Variants in RPL34 observed in about 807,000 individuals in gnomAD.
RPL34 encodes the protein large ribosomal subunit protein eL34.
A neutral mutation model predicts 16.3 loss-of-function variants in RPL34; 2 were observed. The ratio of observed to expected loss-of-function variants is 0.12; its 90% CI spans 0.05 to 0.39. The LOEUF is 0.39. Ranked by LOEUF, RPL34 falls within the 10% of genes least tolerant of loss-of-function variation. RPL34 has a pLI of 0.99. For missense variants in RPL34, 82 were observed against 148.8 expected, an observed-to-expected ratio of 0.55 and a Z score of 2.33; for synonymous variants, 47 against 48.5, an observed-to-expected ratio of 0.97 and a Z score of 0.13.
chr4:108,622,174 A>G lies in RPL34; in HGVS notation c.135A>G (p.Ala45=), dbSNP rs1234171099. ...AGGTTGGGAAAGCACCAAAATCTGC[A>G]TGTGGTGTGTGCCCAGGCAGACTTC... is the stretch of plus-strand genomic sequence containing the variant. ...TKKVGKAPKS[A]CGVCPGRLRG... Residue 45 remains alanine (A), a synonymous_variant, in exon 3 of 5, where the codon GCA becomes GCG. Transcript: ENST00000394667. 6.2e-7 allele frequency: 1 copy of G among 1,612,648 alleles called. No individual in the cohort carries two copies. The highest frequency in any genetic ancestry group is 1.1e-5 in the South Asian group (1 of 91,080).
chr4:108,620,604 T>C lies in RPL34; in HGVS notation c.-10+4T>C. On this transcript the variant is annotated splice_donor_region_variant and intron_variant, in intron 1 of 4. Coordinates refer to ENST00000394667, the MANE Select transcript of RPL34 (RefSeq NM_001319236.2). ...CTTCCGGGGACGTTGTCTGCAGGTA[T>C]GGATGTTGTTCTCTTTTCCCTGTCT... 3.2e-6 allele frequency: 1 copy of C among 308,096 alleles called. No individual in the cohort carries two copies. Among genetic ancestry groups the C allele is most frequent in the Non-Finnish European group, 6.6e-6 (1 of 152,600 alleles). 19.1% of individuals were successfully genotyped at this position (308,096 alleles called of 1,614,324 possible).
chr4:108,628,771 T>G (rs1271689044), downstream of RPL34, among the ~76,000 whole-genome samples: 3 of 152,248 alleles, frequency 2.0e-5, no homozygotes, highest in African/African-American at 7.2e-5. Flanking sequence ...GTAGACTATT[T>G]GGAAAGTTTG....
Position 108,622,565 on chromosome 4 carries a change from A to G in RPL34, c.216A>G (p.Lys72=), listed in dbSNP as rs1331617788. ...KVLMRLSKTK[K]HVSRAYGGSM... ...TTATGAGATTGTCCAAAACAAAGAA[A>G]CATGTCAGCAGGGCCTATGGTGGTT... is the stretch of plus-strand genomic sequence containing the variant. The change falls in exon 4 of 5, where the codon AAA becomes AAG. Residue 72 remains lysine, a synonymous_variant. Coordinates refer to ENST00000394667, the MANE Select transcript of RPL34 (RefSeq NM_001319236.2). The G allele has an allele frequency of 2.5e-6, 4 of 1,610,616 alleles. No homozygotes were observed. The highest frequency in any genetic ancestry group is 2.7e-5 in the African/African-American group (2 of 74,620).
At chr4:108,626,495 C>T (rs551961009), downstream of RPL34, among the ~76,000 whole-genome samples, 1 of 139,596 alleles carries the variant, frequency 7.2e-6, no homozygotes, top group Non-Finnish European at 1.5e-5. Context: ...CTTGCCCAGG[C>T]TGGAGCGTAC....
At chr4:108,624,067 TC>T (rs3836721) in intron 4 of RPL34, among the ~76,000 whole-genome samples, 79,885 of 151,980 alleles carry the variant, frequency 0.53, 21,012 homozygotes, top group East Asian at 0.6. Context: ...TGGCTTTTTT[TC>T]CCCCAGTCTT....
At chr4:108,625,513 G>C (rs1281422014), downstream of RPL34, 1 of 242,192 alleles carries the variant, frequency 4.1e-6, no homozygotes. Flanking sequence ...AGCCTCCCAA[G>C]TAGCTGGGAT....
intron 4 of RPL34, among the ~76,000 whole-genome samples, chr4:108,623,669 G>A (rs1725877042): frequency 6.6e-6 from 1 of 152,144 alleles, no homozygotes; most frequent in Non-Finnish European, 1.5e-5. Flanking sequence ...ACCTCCCAAA[G>A]TGCTGGGAAT....
At chr4:108,626,282 C>T (rs1235367296), downstream of RPL34, among the ~76,000 whole-genome samples, 4 of 151,380 alleles carry the variant, frequency 2.6e-5, no homozygotes, top group African/African-American at 9.7e-5. Context: ...TACAGGTAGG[C>T]ACCACCATGC....
At chr4:108,626,488 G>A (rs1049365301), downstream of RPL34, among the ~76,000 whole-genome samples, 1 of 116,634 alleles carries the variant, frequency 8.6e-6, no homozygotes, top group Non-Finnish European at 1.6e-5. Context: ...CCTTGCTCTT[G>A]CCCAGGCTGG....
downstream of RPL34, among the ~76,000 whole-genome samples, chr4:108,627,559 A>T (rs1726056426): frequency 6.6e-6 from 1 of 151,768 alleles, no homozygotes; most frequent in African/African-American, 2.4e-5. Flanking sequence ...TGGCAGTTGA[A>T]CTCCCTTTTA....
chr4:108,624,420 A>T (rs1725911215), intron 4 of RPL34, among the ~76,000 whole-genome samples: 1 of 152,190 alleles, frequency 6.6e-6, no homozygotes, highest in African/African-American at 2.4e-5. Flanking sequence ...GGAGTGCTTT[A>T]AACTCTGGTG....
chr4:108,623,695 C>A (rs995741390), intron 4 of RPL34, among the ~76,000 whole-genome samples: 3 of 152,146 alleles, frequency 2.0e-5, no homozygotes, highest in African/African-American at 2.4e-5. Context: ...TATAAGCCAC[C>A]GCACCCAGTC....
At chr4:108,625,015 C>T (rs773725632) in intron 4 of RPL34, 113 bp from the exon 5 acceptor site, 13 of 682,522 alleles carry the variant, frequency 1.9e-5, no homozygotes, top group Non-Finnish European at 3.1e-5. Context: ...CCTGTAGTTT[C>T]CTGGGTTCCC....
chr4:108,626,719 G>A (rs1243363837), downstream of RPL34, among the ~76,000 whole-genome samples: 1 of 152,070 alleles, frequency 6.6e-6, no homozygotes, highest in African/African-American at 2.4e-5. Flanking sequence ...GATTACAGGC[G>A]TGAGCCCTTG....
rs778167959 is a variant in RPL34, at chr4:108,622,183, G to C, written c.144G>C (p.Val48=). 6.2e-7 allele frequency: 1 copy of C among 1,611,418 alleles called. No individual in the cohort carries two copies. Among genetic ancestry groups the C allele is most frequent in the South Asian group, 1.1e-5 (1 of 91,064 alleles). Residue 48 remains valine, a synonymous_variant, in exon 3 of 5, where the codon GTG becomes GTC. Coordinates refer to ENST00000394667, the MANE Select transcript of RPL34 (RefSeq NM_001319236.2). Reference sequence around the variant, plus strand: ...AAGCACCAAAATCTGCATGTGGTGTGTGCCCAGGCAGACTTCGAGGGGTAA... The same window carrying C: ...AAGCACCAAAATCTGCATGTGGTGTCTGCCCAGGCAGACTTCGAGGGGTAA... ...VGKAPKSACG[V]CPGRLRGVRA... is the part of the protein sequence containing the mutation.
chr4:108,626,541 T>G (rs1376365659), downstream of RPL34, among the ~76,000 whole-genome samples: 3 of 145,260 alleles, frequency 2.1e-5, no homozygotes, highest in African/African-American at 7.7e-5. Context: ...CTCCACCTCC[T>G]GGGTTCAAGC....
chr4:108,627,816 T>C (rs777837356), downstream of RPL34, among the ~76,000 whole-genome samples: 1 of 151,014 alleles, frequency 6.6e-6, no homozygotes, highest in Admixed American at 6.6e-5. Flanking sequence ...GAGCCGAGAT[T>C]GCACCACTGC....
chr4:108,626,939 C>T (rs1251492787), downstream of RPL34, among the ~76,000 whole-genome samples: 1 of 152,118 alleles, frequency 6.6e-6, no homozygotes, highest in Non-Finnish European at 1.5e-5. Flanking sequence ...CTTAGCTATA[C>T]ATAAGAACAT....
rs553806242 is a variant in RPL34 at position 108,623,332 on chromosome 4, C to CAA, written c.269+723_269+724dup. 67 of 138,350 alleles carry CAA rather than the reference C, an allele frequency of 4.8e-4. 1 individual carries two copies. In the East Asian group the frequency reaches 0.013, roughly 27 times the overall value. 8.6% of individuals were successfully genotyped at this position (138,350 alleles called of 1,614,324 possible). ...GGGCAACAGGAGCGAAACTCTGTCT[C>CAA]AAAAAAAAAAGGGAAAGAAAGAAAA... On this transcript the variant is annotated intron_variant, in intron 4 of 4. Transcript: ENST00000394667.
Sources: allele counts gnomAD v4.1 joint callset (sites outside exome capture counted in the v4.1 genomes callset), GRCh38; gene constraint gnomAD v4.1.1; transcripts MANE v1.5; gene names NCBI Gene and HGNC (gene_info 2026-07-23, HGNC 2026-07-21).